The following AGXT2 variants were observed in gnomAD, a reference collection of about 807,000 sequenced individuals.
The protein encoded by AGXT2 is alanine--glyoxylate aminotransferase 2, also known as alanine--glyoxylate aminotransferase 2, mitochondrial.
AGXT2 carries 61 observed loss-of-function variants against 62.5 expected under a neutral mutation model. The observed-to-expected ratio is 0.98, with a 90% CI of 0.79 to 1.21. The LOEUF is 1.21. Among genes scored for constraint, AGXT2 ranks in the 50% most tolerant of loss-of-function variants. The pLI is 0.00. For synonymous variants in AGXT2, 243 were observed against 218.7 expected (o/e 1.11, Z -0.98); for missense variants, 666 against 641.5 (o/e 1.04, Z -0.41).
At chr5:35,000,713 G>C (rs1393248892) in intron 13 of AGXT2, among the ~76,000 whole-genome samples, 4 of 152,164 alleles carry the variant, frequency 2.6e-5, no homozygotes, top group African/African-American at 9.7e-5. Flanking sequence ...TGTTGTGCAG[G>C]TTTCTATCTT....
At chr5:35,013,238 T>C (rs765628996) in intron 10 of AGXT2, among the ~76,000 whole-genome samples, 193 bp from the exon 11 acceptor site, 8 of 152,374 alleles carry the variant, frequency 5.3e-5, no homozygotes, top group African/African-American at 7.2e-5. Flanking sequence ...GCCTTAACCC[T>C]GAATAAGACT....
At chr5:35,004,215 A>G (rs999503018) in intron 12 of AGXT2, among the ~76,000 whole-genome samples, 1 of 152,092 alleles carries the variant, frequency 6.6e-6, no homozygotes, top group African/African-American at 2.4e-5. Context: ...TTATGTGGAA[A>G]TTTTCCTTAA....
At chr5:35,041,377 G>A (rs1022750044) in intron 1 of AGXT2, among the ~76,000 whole-genome samples, 11 of 151,974 alleles carry the variant, frequency 7.2e-5, no homozygotes, top group Non-Finnish European at 1.0e-4. Flanking sequence ...GGAAACCAGC[G>A]TAAAGTGGTA....
rs745975518 is a variant in AGXT2 at position 35,047,812 on chromosome 5, G to A, written c.81C>T (p.Phe27=). 38 of 1,614,030 alleles carry A rather than the reference G, an allele frequency of 2.4e-5. No homozygotes were observed. The South Asian group carries it at 4.1e-4, about 17-fold the overall frequency. The change falls in exon 1 of 14, where the codon TTC becomes TTT. Residue 27 remains phenylalanine (F), a synonymous_variant. Transcript: ENST00000231420. ...CCCCTGGTTTCCACTTACGGCTCAG[G>A]AAAGGATGCATCTCAAGGATCCTGG... The part of the protein sequence containing the change: ...SAPRILEMHP[F]LSLGTSRTSV...
chr5:35,033,680 G>A (rs1767661755), intron 5 of AGXT2, 127 bp from the exon 6 acceptor site: 1 of 733,830 alleles, frequency 1.4e-6, no homozygotes, highest in Admixed American at 2.0e-5. Flanking sequence ...TGATTTCTAA[G>A]AACGCATCTA....
At chr5:35,005,584 C>A (rs551342337) in intron 12 of AGXT2, among the ~76,000 whole-genome samples, 1 of 151,656 alleles carries the variant, frequency 6.6e-6, no homozygotes, top group East Asian at 1.9e-4. Context: ...TTGCTCTGGG[C>A]CAGCACCCTC....
intron 7 of AGXT2, among the ~76,000 whole-genome samples, chr5:35,030,440 G>C (rs551782393): frequency 4.6e-5 from 7 of 152,144 alleles, no homozygotes; most frequent in African/African-American, 1.7e-4. Flanking sequence ...CCCGGGAGGC[G>C]GAGGTTGCAG....
At chr5:35,040,712 G>T in intron 1 of AGXT2, 49 bp from the exon 2 acceptor site, 1 of 1,395,558 alleles carries the variant, frequency 7.2e-7, no homozygotes, top group Non-Finnish European at 1.0e-6. Context: ...ACATAGGTCT[G>T]TTTGTGAAAG....
chr5:35,025,825 C>G lies in AGXT2; in HGVS notation c.901G>C (p.Gly301Arg), dbSNP rs1176623522. 1.2e-6 allele frequency: 2 copies of G among 1,614,136 alleles called. No homozygotes were observed. The highest frequency in any genetic ancestry group is 1.7e-5 in the Admixed American group (1 of 60,026). The change falls in exon 9 of 14, where the codon GGG becomes CGG. Residue 301 changes from glycine (G) to arginine (R), a missense_variant. Transcript: ENST00000231420. ...GVNGVVQYPK[G>R]FLKEAFELVR... is the part of the protein sequence containing the mutation. ...AGCTCAAAGGCTTCCTTTAGAAACC[C>G]CTTTGGGTACTGGACAACTCCATTC...
chr5:35,010,920 G>A (rs1309527270), intron 11 of AGXT2, among the ~76,000 whole-genome samples: 1 of 152,212 alleles, frequency 6.6e-6, no homozygotes, highest in Non-Finnish European at 1.5e-5. Flanking sequence ...TAGCCAAGCA[G>A]CCTGGTCTGA....
chr5:35,044,609 A>C (rs1768117988), intron 1 of AGXT2, among the ~76,000 whole-genome samples: 2 of 151,930 alleles, frequency 1.3e-5, no homozygotes, highest in Admixed American at 6.6e-5. Context: ...GGTCCTGTCC[A>C]CGTCCTCAGC....
chr5:35,022,747 T>TAAAAAAAAAAAAAAAAGAAAAAA (rs58539576), intron 9 of AGXT2, among the ~76,000 whole-genome samples: 1 of 138,668 alleles, frequency 7.2e-6, no homozygotes, highest in Non-Finnish European at 1.5e-5. Flanking sequence ...AAGAGAGAAG[T>TAAAAAAAAAAAAAAAAGAAAAAA]AAAAAAAAAA....
chr5:35,043,854 C>T (rs1768085032), intron 1 of AGXT2, among the ~76,000 whole-genome samples: 1 of 152,266 alleles, frequency 6.6e-6, no homozygotes, highest in Middle Eastern at 3.4e-3. Flanking sequence ...CCACACCCGG[C>T]TAGTGTTTTG....
intron 9 of AGXT2, among the ~76,000 whole-genome samples, chr5:35,022,852 A>G (rs754588528): frequency 5.9e-5 from 9 of 151,712 alleles, no homozygotes; most frequent in African/African-American, 9.7e-5. Flanking sequence ...GGGAGACAGA[A>G]CTCTGATAAT....
At chr5:35,037,112 C>T in intron 3 of AGXT2, 47 bp from the exon 4 acceptor site, 1 of 1,612,236 alleles carries the variant, frequency 6.2e-7, no homozygotes, top group Non-Finnish European at 8.5e-7. Flanking sequence ...TGCCACGTCC[C>T]TCCTGCACAC....
chr5:35,025,879 A>G, intron 8 of AGXT2, 24 bp from the exon 9 acceptor site: 1 of 1,597,664 alleles, frequency 6.3e-7, no homozygotes, highest in Non-Finnish European at 8.6e-7. Flanking sequence ...GACCAAGAAG[A>G]CCTATAATAA....
chr5:35,026,578 A>G (rs344513), intron 7 of AGXT2, 68 bp from the exon 8 acceptor site: 1,306,693 of 1,342,662 alleles, frequency 0.97, 638,183 homozygotes, highest in Non-Finnish European at 1. Flanking sequence ...ATATTTAGAA[A>G]CATGGGGAAA....
At chr5:35,003,925 AG>A in intron 12 of AGXT2, 64 bp from the exon 13 acceptor site, 1 of 1,527,640 alleles carries the variant, frequency 6.5e-7, no homozygotes, top group Non-Finnish European at 9.0e-7. Flanking sequence ...ATTATTTGCA[AG>A]AGAGGAAAAA....
At chr5:35,007,271 A>T (rs747390881) in intron 12 of AGXT2, among the ~76,000 whole-genome samples, 1 of 152,246 alleles carries the variant, frequency 6.6e-6, no homozygotes, top group Non-Finnish European at 1.5e-5. Flanking sequence ...TGGACTTTCC[A>T]GTCTCCAGAA....
Sources: gnomAD v4.1 joint callset for allele counts (sites outside exome capture counted in the v4.1 genomes callset) on GRCh38, gnomAD v4.1.1 for gene constraint, MANE v1.5 for transcripts, NCBI Gene and HGNC (gene_info 2026-07-23, HGNC 2026-07-21) for gene names.